The following LIPA variants were observed in gnomAD, a reference collection of about 807,000 sequenced individuals.
LIPA encodes lysosomal acid lipase/cholesteryl ester hydrolase.
Under a neutral mutation model 40.6 loss-of-function variants are expected in LIPA, and 26 were observed. The observed-to-expected ratio is 0.64, with a 90% CI of 0.47 to 0.89. The LOEUF (loss-of-function observed/expected upper bound fraction) is 0.89. LIPA is among the 40% of genes least tolerant of loss of function. The probability of loss-of-function intolerance (pLI) is 0.00; values close to 1 mark genes in which losing one functional copy is unlikely to be tolerated. For synonymous variants in LIPA, 188 were observed against 168.4 expected (o/e 1.12, Z -0.90); for missense variants, 455 against 479.6 (o/e 0.95, Z 0.48).
chr10:89,240,986 C>T (rs1447413536), intron 3 of LIPA, among the ~76,000 whole-genome samples: 1 of 152,132 alleles, frequency 6.6e-6, no homozygotes, highest in Non-Finnish European at 1.5e-5. Flanking sequence ...ACATCATCAC[C>T]TACATAATAA....
chr10:89,319,315 C>A (rs1392785904), intron 1 of LIPA, among the ~76,000 whole-genome samples: 1 of 151,896 alleles, frequency 6.6e-6, no homozygotes, highest in East Asian at 1.9e-4. Context: ...AGACCACTAG[C>A]AAGACTAATA....
At chr10:89,346,326 C>G (rs1843921180), upstream of LIPA, among the ~76,000 whole-genome samples, 1 of 152,106 alleles carries the variant, frequency 6.6e-6, no homozygotes, top group Admixed American at 6.5e-5. Flanking sequence ...AACATATAAT[C>G]AACTAATCTA....
intron 1 of LIPA, chr10:89,247,920 G>A (rs1276892400): frequency 1.2e-5 from 2 of 163,662 alleles, no homozygotes; most frequent in African/African-American, 4.9e-5. Flanking sequence ...CCAGGCTGGA[G>A]TGCAGTGGTG....
intron 1 of LIPA, among the ~76,000 whole-genome samples, chr10:89,296,326 T>C (rs551772871): frequency 6.6e-6 from 1 of 151,794 alleles, no homozygotes; most frequent in Non-Finnish European, 1.5e-5. Flanking sequence ...ATACCCCATC[T>C]CTACTAAAAA....
chr10:89,315,186 G>A (rs530933692), intron 1 of LIPA, among the ~76,000 whole-genome samples: 1 of 152,138 alleles, frequency 6.6e-6, no homozygotes, highest in South Asian at 2.1e-4. Flanking sequence ...TAAAGCACGG[G>A]GCCAAAGGCA....
chr10:89,276,571 A>G (rs768077134), intron 1 of LIPA, among the ~76,000 whole-genome samples: 1 of 152,256 alleles, frequency 6.6e-6, no homozygotes, highest in Non-Finnish European at 1.5e-5. Context: ...GTACTGTTGT[A>G]GAGCCTTAGA....
chr10:89,295,362 T>C (rs1299473569), intron 1 of LIPA, among the ~76,000 whole-genome samples: 2 of 152,170 alleles, frequency 1.3e-5, no homozygotes, highest in African/African-American at 2.4e-5. Context: ...AAAAAGAGGG[T>C]CAAATTTTTT....
At chr10:89,222,968 T>C (rs1564752284) in intron 7 of LIPA, among the ~76,000 whole-genome samples, 1 of 152,134 alleles carries the variant, frequency 6.6e-6, no homozygotes. Flanking sequence ...TTTTAACCCT[T>C]TTTTTCAAAA....
chr10:89,393,471 G>A, intron 2 of LIPA: 1 of 408,918 alleles, frequency 2.4e-6, no homozygotes. Flanking sequence ...GGGGGCTCAT[G>A]CTTGTAATCC....
intron 1 of LIPA, among the ~76,000 whole-genome samples, chr10:89,270,807 G>A (rs1843261676): frequency 6.6e-6 from 1 of 152,202 alleles, no homozygotes; most frequent in Non-Finnish European, 1.5e-5. Context: ...AGGCTCTATG[G>A]CACCTTTAGC....
At chr10:89,275,298 A>C (rs1241306489) in intron 1 of LIPA, among the ~76,000 whole-genome samples, 1 of 152,194 alleles carries the variant, frequency 6.6e-6, no homozygotes, top group Non-Finnish European at 1.5e-5. Flanking sequence ...ACTTCCCCTG[A>C]ATCCTCCTTC....
At chr10:89,346,156 T>G (rs1456239282), upstream of LIPA, among the ~76,000 whole-genome samples, 1 of 152,234 alleles carries the variant, frequency 6.6e-6, no homozygotes, top group Non-Finnish European at 1.5e-5. Context: ...ATTGTCAGCC[T>G]ATAATTTGAC....
At chr10:89,238,011 C>T (rs569453629) in intron 3 of LIPA, among the ~76,000 whole-genome samples, 1 of 152,314 alleles carries the variant, frequency 6.6e-6, no homozygotes, top group Admixed American at 6.5e-5. Context: ...ACTGAAGATG[C>T]CATTGTTGTT....
At chr10:89,286,211 T>C (rs1388394062) in intron 1 of LIPA, among the ~76,000 whole-genome samples, 1 of 152,104 alleles carries the variant, frequency 6.6e-6, no homozygotes, top group Non-Finnish European at 1.5e-5. Context: ...CTGTTCCCAA[T>C]GCAACTCATC....
At chr10:89,284,661 AC>A (rs1420555854) in intron 1 of LIPA, 1 of 152,188 alleles carries the variant, frequency 6.6e-6, no homozygotes, top group Admixed American at 6.5e-5. Context: ...CCCTTATATC[AC>A]CCACTGAAAT....
chr10:89,327,801 C>T, intron 1 of LIPA: 1 of 455,514 alleles, frequency 2.2e-6, no homozygotes, highest in Non-Finnish European at 4.0e-6. Flanking sequence ...TTTTGAATAA[C>T]GTACTCTGGC....
chr10:89,306,058 T>A, intron 1 of LIPA: 1 of 1,614,166 alleles, frequency 6.2e-7, no homozygotes, highest in Non-Finnish European at 8.5e-7. Flanking sequence ...TGGATGATTT[T>A]GAAGACAAAG....
chr10:89,376,187 T>A (rs1337241860), intron 2 of LIPA, among the ~76,000 whole-genome samples: 1 of 102,530 alleles, frequency 9.8e-6, no homozygotes, highest in African/African-American at 3.8e-5. Context: ...GACTCTATCT[T>A]AAAAAAAAAA....
intron 1 of LIPA, chr10:89,284,315 G>A (rs1403359265): frequency 6.6e-6 from 1 of 152,188 alleles, no homozygotes; most frequent in Non-Finnish European, 1.5e-5. Flanking sequence ...ATTCATCATA[G>A]AGGCAGGGTT....
Sources: allele counts gnomAD v4.1 joint callset (sites outside exome capture counted in the v4.1 genomes callset), GRCh38; gene constraint gnomAD v4.1.1; transcripts MANE v1.5; gene names NCBI Gene and HGNC (gene_info 2026-07-23, HGNC 2026-07-21).